The following SLC39A11 variants were observed in gnomAD, a reference collection of about 807,000 sequenced individuals.
SLC39A11 encodes zinc transporter ZIP11.
A neutral mutation model predicts 36.1 loss-of-function variants in SLC39A11; 33 were observed. That is an observed-to-expected ratio of 0.91 (90% CI 0.69 to 1.22). The LOEUF is 1.22. Ranked by LOEUF, SLC39A11 falls within the 50% of genes most tolerant of loss-of-function variation. The probability of loss-of-function intolerance (pLI) is 0.00; values close to 1 mark genes in which losing one functional copy is unlikely to be tolerated. For missense variants in SLC39A11, 432 were observed against 430.3 expected (o/e 1.00, Z -0.03); for synonymous variants, 166 against 170.3 (o/e 0.97, Z 0.20).
intron 5 of SLC39A11, among the ~76,000 whole-genome samples, chr17:72,914,836 C>G (rs1053229607): frequency 8.2e-5 from 11 of 133,484 alleles, no homozygotes; most frequent in African/African-American, 2.3e-4. Context: ...CCACTGCACT[C>G]CAGCCTGGGC....
At chr17:72,784,126 C>T (rs1414892391) in intron 6 of SLC39A11, among the ~76,000 whole-genome samples, 1 of 152,134 alleles carries the variant, frequency 6.6e-6, no homozygotes, top group Admixed American at 6.5e-5. Context: ...AGGAAGATCA[C>T]TTGAGGTCAG....
chr17:72,938,127 G>C (rs2084885569), intron 5 of SLC39A11, among the ~76,000 whole-genome samples: 1 of 152,170 alleles, frequency 6.6e-6, no homozygotes, highest in African/African-American at 2.4e-5. Context: ...GATATGCAGA[G>C]CTATTTTCTT....
intron 1 of SLC39A11, among the ~76,000 whole-genome samples, chr17:73,090,348 C>T (rs1379329679): frequency 6.6e-6 from 1 of 152,160 alleles, no homozygotes; most frequent in Non-Finnish European, 1.5e-5. Flanking sequence ...CTAGTTCCCG[C>T]ACTCTAAACG....
chr17:72,873,125 A>G (rs1450026645), intron 5 of SLC39A11, among the ~76,000 whole-genome samples: 2 of 151,938 alleles, frequency 1.3e-5, no homozygotes, highest in Non-Finnish European at 2.9e-5. Context: ...TACAAGATCT[A>G]TAACCTCCCC....
Position 72,824,512 on chromosome 17 carries a change from C to T in SLC39A11, c.601+25122G>A, listed in dbSNP as rs373876982. 5.3e-5 allele frequency among the ~76,000 whole-genome samples: 8 copies of T among 151,198 alleles called. 2 individuals are homozygous for T. Among genetic ancestry groups the T allele is most frequent in the East Asian group, 1.9e-4 (1 of 5,178 alleles). Reference sequence around the variant, plus strand: ...CTATAAAGATACCTGAAAATGTGGACGTGACTTTGGAACTGGGTAAAAGGC... The same window carrying T: ...CTATAAAGATACCTGAAAATGTGGATGTGACTTTGGAACTGGGTAAAAGGC... On this transcript the variant is annotated intron_variant, in intron 6 of 9. Coordinates refer to ENST00000255559, the MANE Select transcript of SLC39A11 (RefSeq NM_139177.4).
intron 7 of SLC39A11, among the ~76,000 whole-genome samples, chr17:72,703,335 T>C (rs1436152598): frequency 6.6e-6 from 1 of 152,228 alleles, no homozygotes; most frequent in African/African-American, 2.4e-5. Flanking sequence ...GAAATTTTTA[T>C]AGCCAAGTAA....
chr17:72,934,938 C>G (rs2084650519), intron 5 of SLC39A11, among the ~76,000 whole-genome samples: 2 of 152,186 alleles, frequency 1.3e-5, no homozygotes, highest in African/African-American at 4.8e-5. Context: ...TCTGCTGGGA[C>G]TGAAGAACGG....
intron 6 of SLC39A11, among the ~76,000 whole-genome samples, chr17:72,794,277 G>T (rs1039959704): frequency 1.3e-5 from 2 of 152,088 alleles, no homozygotes; most frequent in African/African-American, 4.8e-5. Flanking sequence ...TCATAAGAAA[G>T]GAGCTTGCTG....
At chr17:72,782,817 A>G (rs962345178) in intron 6 of SLC39A11, among the ~76,000 whole-genome samples, 2 of 151,590 alleles carry the variant, frequency 1.3e-5, no homozygotes, top group African/African-American at 4.8e-5. Flanking sequence ...CCTGGCGAAC[A>G]TGGCAAAAAC....
At chr17:73,021,338 C>A (rs1052503059) in intron 4 of SLC39A11, among the ~76,000 whole-genome samples, 2 of 151,664 alleles carry the variant, frequency 1.3e-5, no homozygotes, top group Non-Finnish European at 2.9e-5. Flanking sequence ...CTTACTCTTT[C>A]TTTCTTTCTT....
At chr17:73,021,710 A>C (rs181872679) in intron 4 of SLC39A11, among the ~76,000 whole-genome samples, 1 of 152,224 alleles carries the variant, frequency 6.6e-6, no homozygotes, top group Admixed American at 6.5e-5. Flanking sequence ...GCTTCTGGGC[A>C]TTTTTCATAA....
intron 4 of SLC39A11, among the ~76,000 whole-genome samples, chr17:73,028,935 T>C (rs893068719): frequency 6.6e-5 from 10 of 151,452 alleles, no homozygotes; most frequent in African/African-American, 2.2e-4. Flanking sequence ...CTGGCCAACA[T>C]GGTGAAACCC....
At chr17:72,935,774 G>A (rs1366987905) in intron 5 of SLC39A11, among the ~76,000 whole-genome samples, 7 of 152,036 alleles carry the variant, frequency 4.6e-5, no homozygotes, top group South Asian at 2.1e-4. Flanking sequence ...TCGTAGACAC[G>A]GGGTTTCACC....
chr17:72,971,336 A>ACACTCTCTCTCTCT (rs1555657685), intron 4 of SLC39A11, among the ~76,000 whole-genome samples: 1 of 143,412 alleles, frequency 7.0e-6, no homozygotes, highest in African/African-American at 2.6e-5. Context: ...ACACACACAC[A>ACACTCTCTCTCTCT]CTCTCTCTCT....
At chr17:72,959,039 G>A (rs940683394) in intron 4 of SLC39A11, among the ~76,000 whole-genome samples, 1 of 151,872 alleles carries the variant, frequency 6.6e-6, no homozygotes, top group Non-Finnish European at 1.5e-5. Flanking sequence ...TAGATGTGGT[G>A]ATCAGAGAAC....
At chr17:73,086,146 A>G (rs1275137943) in intron 2 of SLC39A11, among the ~76,000 whole-genome samples, 1 of 152,170 alleles carries the variant, frequency 6.6e-6, no homozygotes, top group Non-Finnish European at 1.5e-5. Flanking sequence ...GGGAGACTGA[A>G]GGCTCCTGAT....
At chr17:72,697,203 C>T (rs2072345398) in intron 7 of SLC39A11, among the ~76,000 whole-genome samples, 1 of 152,214 alleles carries the variant, frequency 6.6e-6, no homozygotes, top group African/African-American at 2.4e-5. Context: ...CCATGTCAGC[C>T]TCCTGAGTAG....
At chr17:72,959,325 G>GTGTGTATATATATATATA (rs1436484912) in intron 4 of SLC39A11, among the ~76,000 whole-genome samples, 5 of 65,546 alleles carry the variant, frequency 7.6e-5, no homozygotes, top group Admixed American at 3.8e-4. Flanking sequence ...GTGTGTGTGT[G>GTGTGTATATATATATATA]TATATATATA....
chr17:72,959,178 A>G (rs2086437153), intron 4 of SLC39A11, among the ~76,000 whole-genome samples: 1 of 151,764 alleles, frequency 6.6e-6, no homozygotes, highest in African/African-American at 2.4e-5. Flanking sequence ...ATCTAGCCAG[A>G]GGAAAAGAGG....
Sources: allele counts gnomAD v4.1 joint callset (sites outside exome capture counted in the v4.1 genomes callset), GRCh38; gene constraint gnomAD v4.1.1; transcripts MANE v1.5; gene names NCBI Gene and HGNC (gene_info 2026-07-23, HGNC 2026-07-21).